The following EFNA5 variants were observed in gnomAD, a reference collection of about 807,000 sequenced individuals.
EFNA5 encodes ephrin-A5.
A neutral mutation model predicts 22.9 loss-of-function variants in EFNA5; 5 were observed. The observed-to-expected ratio is 0.22, with a 90% CI of 0.11 to 0.46. The LOEUF is 0.46. Ranked by LOEUF, EFNA5 falls within the 20% of genes least tolerant of loss-of-function variation. The pLI, the probability that EFNA5 is intolerant of heterozygous loss-of-function variation, is 0.99. For synonymous variants in EFNA5, 113 were observed against 112.2 expected, an observed-to-expected ratio of 1.01 and a Z score of -0.04; for missense variants, 237 against 293.3, an observed-to-expected ratio of 0.81 and a Z score of 1.40.
At chr5:107,655,670 T>A (rs1039714936) in intron 1 of EFNA5, among the ~76,000 whole-genome samples, 5 of 152,118 alleles carry the variant, frequency 3.3e-5, no homozygotes, top group African/African-American at 1.2e-4. Flanking sequence ...ATGATGGAAA[T>A]TTTTTAACAA....
chr5:107,419,323 C>A (rs1330251042), intron 2 of EFNA5, among the ~76,000 whole-genome samples: 1 of 152,178 alleles, frequency 6.6e-6, no homozygotes, highest in Non-Finnish European at 1.5e-5. Flanking sequence ...GAAACAGACA[C>A]AATTCCCTAA....
At chr5:107,589,367 C>T (rs1476789457) in intron 1 of EFNA5, among the ~76,000 whole-genome samples, 4 of 151,996 alleles carry the variant, frequency 2.6e-5, no homozygotes, top group South Asian at 2.1e-4. Context: ...ACAAAGTGAC[C>T]GAAAGACCTA....
At chr5:107,539,691 T>C (rs1344805948) in intron 1 of EFNA5, among the ~76,000 whole-genome samples, 3 of 152,068 alleles carry the variant, frequency 2.0e-5, no homozygotes, top group Non-Finnish European at 4.4e-5. Flanking sequence ...ACTCCTGACC[T>C]CATGATCCAC....
chr5:107,522,915 G>A (rs1051964451), intron 1 of EFNA5, among the ~76,000 whole-genome samples: 1 of 152,084 alleles, frequency 6.6e-6, no homozygotes, highest in Non-Finnish European at 1.5e-5. Context: ...ACTAAATCAT[G>A]GGACCTTGCC....
At chr5:107,567,118 G>T (rs1023775597) in intron 1 of EFNA5, among the ~76,000 whole-genome samples, 2 of 152,070 alleles carry the variant, frequency 1.3e-5, no homozygotes, top group African/African-American at 4.8e-5. Context: ...AAACGAGAAA[G>T]AGTTGTCCTA....
chr5:107,592,036 T>A (rs866170569), intron 1 of EFNA5, among the ~76,000 whole-genome samples: 2 of 85,050 alleles, frequency 2.4e-5, no homozygotes, highest in South Asian at 2.8e-4. Flanking sequence ...TATTATATAT[T>A]ATATATATTA....
At chr5:107,442,779 C>G (rs1749288659) in intron 1 of EFNA5, among the ~76,000 whole-genome samples, 2 of 149,090 alleles carry the variant, frequency 1.3e-5, no homozygotes, top group Non-Finnish European at 3.0e-5. Context: ...ACTCAGAAGA[C>G]TTTTTTTTTT....
At position 107,670,479 on chromosome 5, in the gene EFNA5, A is replaced by G; in HGVS notation, c.125+10T>C. ...GGGTAGCCCTGGCTCTCCGCCTGTT[A>G]TCGGCTTACCTGGGGTTGCTGCTGT... is the stretch of plus-strand genomic sequence containing the variant. On this transcript the variant is annotated intron_variant, in intron 1 of 4. Transcript: ENST00000333274. 1 of 1,557,708 alleles carries G rather than the reference A, an allele frequency of 6.4e-7. No homozygotes were observed. Among genetic ancestry groups the G allele is most frequent in the East Asian group, 2.4e-5 (1 of 41,160 alleles).
chr5:107,563,334 C>T (rs192219852), intron 1 of EFNA5, among the ~76,000 whole-genome samples: 115 of 152,324 alleles, frequency 7.5e-4, no homozygotes, highest in African/African-American at 2.6e-3. Context: ...ATCTCACCAC[C>T]TGCTCCTTTT....
In EFNA5 at chr5:107,534,629, A is replaced by G. The variant is rs546205199; in HGVS notation, c.126-107120T>C. Among the ~76,000 whole-genome samples the G allele has an allele frequency of 2.6e-5, 4 of 152,268 alleles. No homozygotes were observed. The East Asian group carries it at 5.8e-4, about 22-fold the overall frequency. Reference sequence around the variant, plus strand: ...GTACACATATTATGTCTGCTTTGTGATATGTTTTGCAGCTCCAAAGCCAAA... The same window carrying G: ...GTACACATATTATGTCTGCTTTGTGGTATGTTTTGCAGCTCCAAAGCCAAA... On this transcript the variant is annotated intron_variant, in intron 1 of 4. Coordinates refer to ENST00000333274, the MANE Select transcript of EFNA5 (RefSeq NM_001962.3).
intron 1 of EFNA5, among the ~76,000 whole-genome samples, chr5:107,446,808 C>T (rs1561389889): frequency 1.3e-5 from 2 of 152,008 alleles, no homozygotes; most frequent in African/African-American, 4.8e-5. Flanking sequence ...AAGACACTGA[C>T]TTTCTCAAGG....
intron 1 of EFNA5, among the ~76,000 whole-genome samples, chr5:107,522,399 T>C (rs966725895): frequency 6.6e-6 from 1 of 152,196 alleles, no homozygotes; most frequent in Non-Finnish European, 1.5e-5. Context: ...TTTCTTTTTT[T>C]CTTTGTCTTT....
intron 2 of EFNA5, among the ~76,000 whole-genome samples, chr5:107,403,343 T>C (rs1379567866): frequency 6.6e-6 from 1 of 152,214 alleles, no homozygotes; most frequent in East Asian, 1.9e-4. Context: ...TACAGTTTTT[T>C]TCTGACTTTA....
chr5:107,554,625 G>T (rs1436054112), intron 1 of EFNA5, among the ~76,000 whole-genome samples: 2 of 152,080 alleles, frequency 1.3e-5, no homozygotes, highest in African/African-American at 4.8e-5. Context: ...CTAATTGATA[G>T]GCAAAGAGAA....
intron 1 of EFNA5, among the ~76,000 whole-genome samples, chr5:107,662,603 T>C (rs532073122): frequency 3.0e-4 from 45 of 152,176 alleles, no homozygotes; most frequent in African/African-American, 1.1e-3. Flanking sequence ...AATTTACTTG[T>C]AAAATAATCT....
intron 1 of EFNA5, among the ~76,000 whole-genome samples, chr5:107,528,169 C>A (rs1006297547): frequency 6.6e-6 from 1 of 152,100 alleles, no homozygotes; most frequent in African/African-American, 2.4e-5. Flanking sequence ...GTACTTACCC[C>A]GCTCGCCTCA....
intron 1 of EFNA5, among the ~76,000 whole-genome samples, chr5:107,581,464 C>T (rs1014762573): frequency 9.9e-5 from 15 of 152,164 alleles, no homozygotes; most frequent in African/African-American, 2.7e-4. Context: ...CACTAGTCTA[C>T]AGCACATCGA....
intron 1 of EFNA5, among the ~76,000 whole-genome samples, chr5:107,540,848 T>C (rs558888586): frequency 2.0e-5 from 3 of 152,342 alleles, no homozygotes; most frequent in African/African-American, 7.2e-5. Flanking sequence ...CTGGGTGCAG[T>C]GGCCCATGCC....
At chr5:107,605,002 G>A (rs1307932335) in intron 1 of EFNA5, among the ~76,000 whole-genome samples, 3 of 152,084 alleles carry the variant, frequency 2.0e-5, no homozygotes, top group Non-Finnish European at 2.9e-5. Flanking sequence ...AAAGACAGTG[G>A]CCTAAACTAG....
Sources: allele counts gnomAD v4.1 joint callset (sites outside exome capture counted in the v4.1 genomes callset), GRCh38; gene constraint gnomAD v4.1.1; transcripts MANE v1.5; gene names NCBI Gene and HGNC (gene_info 2026-07-23, HGNC 2026-07-21).